The following ST8SIA2 variants were observed in gnomAD, a reference collection of about 807,000 sequenced individuals.
ST8SIA2 encodes alpha-2,8-sialyltransferase 8B.
A neutral mutation model predicts 37.6 loss-of-function variants in ST8SIA2; 22 were observed. The observed-to-expected ratio is 0.58, with a 90% confidence interval of 0.42 to 0.83. The LOEUF (loss-of-function observed/expected upper bound fraction) is 0.83. Ranked by LOEUF, ST8SIA2 falls within the 40% of genes least tolerant of loss-of-function variation. The pLI, the probability that ST8SIA2 is intolerant of heterozygous loss-of-function variation, is 0.00. For missense variants in ST8SIA2, 382 were observed against 484.7 expected (o/e 0.79, Z 1.99); for synonymous variants, 205 against 201.2 (o/e 1.02, Z -0.16).
chr15:92,395,319 A>C (rs1462249130), intron 1 of ST8SIA2, among the ~76,000 whole-genome samples: 2 of 152,044 alleles, frequency 1.3e-5, no homozygotes, highest in Non-Finnish European at 2.9e-5. Context: ...TTGTTACTTC[A>C]TTTGTTATCT....
intron 2 of ST8SIA2, among the ~76,000 whole-genome samples, chr15:92,432,323 T>C (rs896062799): frequency 6.6e-5 from 10 of 152,218 alleles, no homozygotes; most frequent in African/African-American, 2.4e-4. Flanking sequence ...CCTGCCTGTG[T>C]TCTGCATAGA....
At chr15:92,434,722 G>A (rs2049743601) in intron 3 of ST8SIA2, among the ~76,000 whole-genome samples, 1 of 152,218 alleles carries the variant, frequency 6.6e-6, no homozygotes, top group South Asian at 2.1e-4. Context: ...CTTACTTGTT[G>A]GGGTCTGCCT....
chr15:92,434,272 T>C lies in ST8SIA2; in HGVS notation c.187T>C (p.Ser63Pro). Residue 63 changes from serine (S) to proline (P), a missense_variant, in exon 3 of 6, where the codon TCA (serine) becomes CCA (proline). Transcript: ENST00000268164. ...AGCTGAAGTTGTAATAAACGGCTCC[T>C]CATCACCAGCTGTTGTTGACAGAAG... Reference protein sequence around the residue: ...NRAEVVINGSSSPAVVDRSNE... With the variant: ...NRAEVVINGSPSPAVVDRSNE... 1 of 1,614,124 alleles carries C rather than the reference T, an allele frequency of 6.2e-7. No individual in the cohort carries two copies. Among genetic ancestry groups the C allele is most frequent in the Non-Finnish European group, 8.5e-7 (1 of 1,180,020 alleles).
In ST8SIA2 at chr15:92,406,258, G is replaced by A. The variant is rs1009289570; in HGVS notation, c.98+12096G>A. Among the ~76,000 whole-genome samples, 5 of 152,170 alleles carry A rather than the reference G, an allele frequency of 3.3e-5. No homozygotes were observed. In the South Asian group the frequency reaches 6.2e-4, roughly 19 times the overall value. On this transcript the variant is annotated intron_variant, in intron 1 of 5. Coordinates refer to ENST00000268164, the MANE Select transcript of ST8SIA2 (RefSeq NM_006011.4). ...CTCGAGGATTTGTTAAAAACAGAAC[G>A]CTGGACACCTCCTGGAGTTTCTGTT...
chr15:92,444,611 A>T (rs749072729), intron 4 of ST8SIA2, 25 bp from the exon 5 acceptor site: 1 of 1,614,180 alleles, frequency 6.2e-7, no homozygotes, highest in African/African-American at 1.3e-5. Context: ...TCCCAAAAGG[A>T]TCATGTTGCC....
At chr15:92,446,714 A>T (rs1328310251) in intron 5 of ST8SIA2, among the ~76,000 whole-genome samples, 1 of 152,194 alleles carries the variant, frequency 6.6e-6, no homozygotes, top group African/African-American at 2.4e-5. Context: ...CTCTAGAAAG[A>T]AGTTGGTTTG....
At chr15:92,404,010 G>A (rs905826489) in intron 1 of ST8SIA2, among the ~76,000 whole-genome samples, 7 of 152,212 alleles carry the variant, frequency 4.6e-5, no homozygotes, top group African/African-American at 1.7e-4. Flanking sequence ...AGCCTTGGTA[G>A]TAAAGCCAGT....
intron 5 of ST8SIA2, among the ~76,000 whole-genome samples, chr15:92,462,992 G>A (rs1567226842): frequency 6.6e-6 from 1 of 152,206 alleles, no homozygotes. Context: ...TTGAGACCTG[G>A]AGGATATCTT....
At position 92,407,427 on chromosome 15, in the gene ST8SIA2, A is replaced by G. The variant is rs144054621; in HGVS notation, c.98+13265A>G. ...CTTGACCCGGTGCTGGAGCACTTGA[A>G]GGAAATTTCTAGAGAAACTGGACAG... On this transcript the variant is annotated intron_variant, in intron 1 of 5. Transcript: ENST00000268164. 1.1e-3 allele frequency among the ~76,000 whole-genome samples: 164 copies of G among 152,344 alleles called. 1 individual carries two copies. The highest frequency in any genetic ancestry group is 3.8e-3 in the African/African-American group (158 of 41,580).
In ST8SIA2 at chr15:92,464,214, G is replaced by A. The variant is rs201615346; in HGVS notation, c.957G>A (p.Pro319=). 4.8e-5 allele frequency: 77 copies of A among 1,612,408 alleles called. No individual in the cohort carries two copies. The Middle Eastern group carries it at 1.3e-3, about 28-fold the overall frequency. ...ACCTCTACGGCTTCTGGCCCTTTCCGCTGGATCAGAACCAGAACCCAGTCA... is the reference window on the plus strand; with the variant it reads ...ACCTCTACGGCTTCTGGCCCTTTCCACTGGATCAGAACCAGAACCCAGTCA... ...QIYLYGFWPF[P]LDQNQNPVKY... The change falls in exon 6 of 6, where the codon CCG becomes CCA. Residue 319 remains proline (P), a synonymous_variant. Coordinates refer to ENST00000268164, the MANE Select transcript of ST8SIA2 (RefSeq NM_006011.4).
chr15:92,424,618 T>A (rs2049661962), intron 1 of ST8SIA2, among the ~76,000 whole-genome samples: 1 of 138,468 alleles, frequency 7.2e-6, no homozygotes, highest in South Asian at 2.1e-4. Flanking sequence ...TTGACATTCT[T>A]TTTTTTTTTT....
intron 1 of ST8SIA2, among the ~76,000 whole-genome samples, chr15:92,400,708 G>A (rs2049463742): frequency 6.6e-6 from 1 of 152,186 alleles, no homozygotes. Context: ...GTTCTCCAGA[G>A]AGCCCTTTCC....
At chr15:92,412,112 T>C (rs903340807) in intron 1 of ST8SIA2, among the ~76,000 whole-genome samples, 6 of 151,924 alleles carry the variant, frequency 3.9e-5, no homozygotes, top group Non-Finnish European at 8.8e-5. Flanking sequence ...TGAAGCGAGA[T>C]TCCAAAGAGA....
At chr15:92,436,821 C>G (rs191773450) in intron 3 of ST8SIA2, among the ~76,000 whole-genome samples, 10 of 152,112 alleles carry the variant, frequency 6.6e-5, no homozygotes, top group Non-Finnish European at 1.0e-4. Context: ...TGAGACGCGC[C>G]GAGCTTACCA....
At chr15:92,431,514 G>GATAT (rs1352654695) in intron 2 of ST8SIA2, among the ~76,000 whole-genome samples, 1 of 152,204 alleles carries the variant, frequency 6.6e-6, no homozygotes, top group African/African-American at 2.4e-5. Context: ...TACTACTGTG[G>GATAT]ATATATCTGT....
chr15:92,404,323 C>T (rs755920993), intron 1 of ST8SIA2, among the ~76,000 whole-genome samples: 1 of 152,164 alleles, frequency 6.6e-6, no homozygotes, highest in East Asian at 1.9e-4. Context: ...AATGACCTCA[C>T]CTTTCTGAGT....
chr15:92,399,420 G>T (rs1596226907), intron 1 of ST8SIA2, among the ~76,000 whole-genome samples: 1 of 152,170 alleles, frequency 6.6e-6, no homozygotes, highest in Non-Finnish European at 1.5e-5. Flanking sequence ...GGAGAGGCTA[G>T]CTCTGATCAT....
intron 1 of ST8SIA2, among the ~76,000 whole-genome samples, chr15:92,425,679 A>C (rs1487332666): frequency 6.6e-6 from 1 of 152,202 alleles, no homozygotes; most frequent in Non-Finnish European, 1.5e-5. Flanking sequence ...TGGTTTGCAC[A>C]GGAAAGAATG....
chr15:92,426,010 TAA>T (rs1343929629), intron 1 of ST8SIA2, among the ~76,000 whole-genome samples: 1 of 151,044 alleles, frequency 6.6e-6, no homozygotes, highest in Admixed American at 6.6e-5. Flanking sequence ...ATACAGAAAA[TAA>T]AAGACATGGT....
Sources: allele counts gnomAD v4.1 joint callset (sites outside exome capture counted in the v4.1 genomes callset), GRCh38; gene constraint gnomAD v4.1.1; transcripts MANE v1.5; gene names NCBI Gene and HGNC (gene_info 2026-07-23, HGNC 2026-07-21).